Variants in MPPED1 observed in about 807,000 individuals in gnomAD.
MPPED1 encodes the protein metallophosphoesterase domain containing 1.
A neutral mutation model predicts 36.2 loss-of-function variants in MPPED1; 16 were observed. The observed-to-expected ratio is 0.44, with a 90% CI of 0.30 to 0.67. The LOEUF (loss-of-function observed/expected upper bound fraction) is 0.67, where lower values mean the gene tolerates loss of function less well. Ranked by LOEUF, MPPED1 falls within the 30% of genes least tolerant of loss-of-function variation. MPPED1 has a pLI of 0.10. For synonymous variants in MPPED1, 199 were observed against 191.3 expected (o/e 1.04, Z -0.33); for missense variants, 307 against 453.4 (o/e 0.68, Z 2.93).
intron 2 of MPPED1, among the ~76,000 whole-genome samples, chr22:43,428,293 TC>T (rs1929553544): frequency 6.6e-6 from 1 of 152,184 alleles, no homozygotes; most frequent in Non-Finnish European, 1.5e-5. Context: ...GTTCCCGGCT[TC>T]TGCTGACTCC....
chr22:43,461,510 G>A (rs1422811831), intron 3 of MPPED1, among the ~76,000 whole-genome samples: 1 of 152,178 alleles, frequency 6.6e-6, no homozygotes, highest in Non-Finnish European at 1.5e-5. Flanking sequence ...TGTTGACTTT[G>A]TGGAGGACCG....
At chr22:43,466,812 C>A (rs1025491344) in intron 3 of MPPED1, among the ~76,000 whole-genome samples, 1 of 152,204 alleles carries the variant, frequency 6.6e-6, no homozygotes, top group Non-Finnish European at 1.5e-5. Context: ...CCTTGCCCAA[C>A]CCTTCCTTTG....
chr22:43,438,350 C>T lies in MPPED1; in HGVS notation c.406+3135C>T, dbSNP rs1275942179. ...GGCAGGACCCGTTCCAGGCAGAGGA[C>T]GCGGAGGCTGCAGGGGCCCTGGGGT... On this transcript the variant is annotated intron_variant, in intron 3 of 6. Transcript: ENST00000443721. 3.3e-5 allele frequency among the ~76,000 whole-genome samples: 5 copies of T among 152,040 alleles called. No individual in the cohort carries two copies. In the East Asian group the frequency reaches 5.8e-4, roughly 18 times the overall value.
chr22:43,505,475 A>T (rs913966005), intron 6 of MPPED1, 23 bp from the exon 7 acceptor site: 21 of 1,586,516 alleles, frequency 1.3e-5, no homozygotes, highest in Non-Finnish European at 1.8e-5. Context: ...TGCTGGCCTG[A>T]TGGGCATGTG....
At position 43,454,002 on chromosome 22, in the gene MPPED1, A is replaced by ATATT. The variant is rs563690871; in HGVS notation, c.406+18801_406+18804dup. Among the ~76,000 whole-genome samples the ATATT allele has an allele frequency of 8.6e-3, 1,305 of 151,730 alleles. 3 individuals carry two copies. Among genetic ancestry groups the ATATT allele is most frequent in the Middle Eastern group, 0.024 (7 of 294 alleles). On this transcript the variant is annotated intron_variant, in intron 3 of 6. Coordinates refer to ENST00000443721, the MANE Select transcript of MPPED1 (RefSeq NM_001044370.2). ...TTCTACTTTCTTTTTTAAAATTTAA[A>ATATT]TATTTATTTATTTATTTCTTTATTG...
At chr22:43,434,077 C>T (rs1033476257) in intron 2 of MPPED1, among the ~76,000 whole-genome samples, 4 of 152,236 alleles carry the variant, frequency 2.6e-5, no homozygotes, top group African/African-American at 7.2e-5. Context: ...GGGCAGCTTG[C>T]TCAGCCCGGC....
At chr22:43,496,894 G>A (rs866322241) in intron 4 of MPPED1, among the ~76,000 whole-genome samples, 1 of 43,400 alleles carries the variant, frequency 2.3e-5, no homozygotes, top group Admixed American at 2.2e-4. Flanking sequence ...TGGTGGAGGT[G>A]GTGGTGGTGG....
At chr22:43,500,422 T>TG (rs1932693260) in intron 5 of MPPED1, among the ~76,000 whole-genome samples, 1 of 147,174 alleles carries the variant, frequency 6.8e-6, no homozygotes, top group African/African-American at 2.5e-5. Context: ...ATGGAGGTGG[T>TG]AATGGAGGTG....
chr22:43,488,340 C>T (rs1230522844), intron 4 of MPPED1, among the ~76,000 whole-genome samples: 1 of 152,192 alleles, frequency 6.6e-6, no homozygotes, highest in South Asian at 2.1e-4. Flanking sequence ...ACACGACCTA[C>T]CCAGCAGCTG....
intron 3 of MPPED1, among the ~76,000 whole-genome samples, chr22:43,466,941 G>T (rs1931193609): frequency 6.6e-6 from 1 of 152,202 alleles, no homozygotes; most frequent in African/African-American, 2.4e-5. Flanking sequence ...TTAGAGAACT[G>T]TGAGTGTAAG....
intron 1 of MPPED1, among the ~76,000 whole-genome samples, chr22:43,414,116 G>A (rs1300864122): frequency 2.6e-5 from 4 of 152,174 alleles, no homozygotes. Context: ...ATTTTAGGGT[G>A]TTTTACTTGA....
chr22:43,483,805 C>T (rs949922312), intron 4 of MPPED1, among the ~76,000 whole-genome samples: 27 of 152,266 alleles, frequency 1.8e-4, no homozygotes, highest in African/African-American at 6.0e-4. Context: ...CTGCCTCAGT[C>T]TGTGGGCACA....
At chr22:43,493,973 C>A (rs1354133063) in intron 4 of MPPED1, among the ~76,000 whole-genome samples, 1 of 152,146 alleles carries the variant, frequency 6.6e-6, no homozygotes, top group Non-Finnish European at 1.5e-5. Flanking sequence ...CCTAGAGAGG[C>A]CTCTGCAAGA....
At chr22:43,467,691 A>G (rs1931220520) in intron 3 of MPPED1, among the ~76,000 whole-genome samples, 1 of 152,162 alleles carries the variant, frequency 6.6e-6, no homozygotes, top group Non-Finnish European at 1.5e-5. Flanking sequence ...GCAATCAGAG[A>G]TCGTTATGCC....
At chr22:43,426,700 C>T (rs1569064999) in intron 2 of MPPED1, among the ~76,000 whole-genome samples, 1 of 152,226 alleles carries the variant, frequency 6.6e-6, no homozygotes, top group Non-Finnish European at 1.5e-5. Flanking sequence ...GGGAAGGGCT[C>T]TGCAGGGCAG....
chr22:43,428,516 G>A (rs1270524687), intron 2 of MPPED1, among the ~76,000 whole-genome samples: 1 of 152,192 alleles, frequency 6.6e-6, no homozygotes, highest in Non-Finnish European at 1.5e-5. Context: ...ATGGCGAGTC[G>A]GCTGCTCCCT....
At chr22:43,501,979 G>A (rs867439263) in intron 5 of MPPED1, among the ~76,000 whole-genome samples, 4 of 152,016 alleles carry the variant, frequency 2.6e-5, no homozygotes, top group South Asian at 2.1e-4. Context: ...GAGAGGGGCC[G>A]CCATGAACCC....
At chr22:43,491,223 T>C (rs1932071689) in intron 4 of MPPED1, among the ~76,000 whole-genome samples, 1 of 152,210 alleles carries the variant, frequency 6.6e-6, no homozygotes, top group African/African-American at 2.4e-5. Flanking sequence ...GAGGGCTCCA[T>C]GATAATTATG....
At chr22:43,431,019 TAA>T (rs1159795590) in intron 2 of MPPED1, among the ~76,000 whole-genome samples, 25 of 121,918 alleles carry the variant, frequency 2.1e-4, no homozygotes, top group African/African-American at 7.4e-4. Context: ...CTGTTGTTGT[TAA>T]TTTTTTTTTT....
Sources: gnomAD v4.1 joint callset for allele counts (sites outside exome capture counted in the v4.1 genomes callset) on GRCh38, gnomAD v4.1.1 for gene constraint, MANE v1.5 for transcripts, NCBI Gene and HGNC (gene_info 2026-07-23, HGNC 2026-07-21) for gene names.